KRABD5: variants seen among roughly 807,000 people sequenced by gnomAD.
The protein encoded by KRABD5 is KRAB domain-containing protein 5.
At chr16:31,732,767 C>T in the KRABD5 span, among the ~76,000 whole-genome samples, 11 of 152,088 alleles carry the variant, frequency 7.2e-5, no homozygotes, top group Admixed American at 7.2e-4. Flanking sequence ...TGAATATTTA[C>T]TCATTAAAAT....
the KRABD5 span, among the ~76,000 whole-genome samples, chr16:31,728,539 T>A: frequency 3.9e-5 from 6 of 152,294 alleles, no homozygotes; most frequent in Admixed American, 3.3e-4. Context: ...TTTGATTTCT[T>A]CTTCATCCTA....
the KRABD5 span, among the ~76,000 whole-genome samples, chr16:31,717,723 A>T: frequency 6.6e-6 from 1 of 151,890 alleles, no homozygotes; most frequent in Non-Finnish European, 1.5e-5. Context: ...CATTTTTCTC[A>T]TGATTCTGTT....
chr16:31,733,715 T>G, the KRABD5 span: 4 of 431,700 alleles, frequency 9.3e-6, no homozygotes, highest in East Asian at 2.9e-4. Flanking sequence ...TATTAATACT[T>G]GTCAAAATGT....
the KRABD5 span, chr16:31,754,387 T>A: frequency 3.3e-6 from 2 of 613,990 alleles, no homozygotes; most frequent in Non-Finnish European, 5.7e-6. Context: ...ATCACACACA[T>A]AATAAAACTT....
At chr16:31,753,086 T>C in the KRABD5 span, among the ~76,000 whole-genome samples, 2 of 152,196 alleles carry the variant, frequency 1.3e-5, no homozygotes, top group Non-Finnish European at 2.9e-5. Flanking sequence ...TATTATGGAA[T>C]GAATTTGTAC....
the KRABD5 span, chr16:31,733,665 A>G: frequency 8.8e-6 from 4 of 455,234 alleles, no homozygotes; most frequent in Admixed American, 9.4e-5. Context: ...CTTTTTGACT[A>G]TCTTATTTCA....
the KRABD5 span, among the ~76,000 whole-genome samples, chr16:31,733,996 C>G: frequency 6.6e-6 from 1 of 152,098 alleles, no homozygotes; most frequent in Non-Finnish European, 1.5e-5. Context: ...TTGCCAAGAC[C>G]AATTTTCATG....
the KRABD5 span, chr16:31,759,377 A>AG: frequency 6.5e-7 from 1 of 1,537,250 alleles, no homozygotes; most frequent in Non-Finnish European, 8.8e-7. Flanking sequence ...CCTATGGTGA[A>AG]AAAAATCAAC....
the KRABD5 span, among the ~76,000 whole-genome samples, chr16:31,726,288 C>T: frequency 6.6e-6 from 1 of 152,156 alleles, no homozygotes; most frequent in African/African-American, 2.4e-5. Flanking sequence ...ACTCTATACA[C>T]ATGGGGTTAT....
the KRABD5 span, chr16:31,755,786 G>A: frequency 3.0e-6 from 1 of 332,124 alleles, no homozygotes; most frequent in South Asian, 2.4e-5. Flanking sequence ...GAGTTTATAG[G>A]GAAACCGACT....
the KRABD5 span, among the ~76,000 whole-genome samples, chr16:31,746,271 T>G: frequency 2.0e-5 from 3 of 152,208 alleles, no homozygotes; most frequent in African/African-American, 7.2e-5. Context: ...CCTTTCCATT[T>G]TTAGTACTTC....
the KRABD5 span, among the ~76,000 whole-genome samples, chr16:31,725,884 T>C: frequency 2.0e-5 from 3 of 152,242 alleles, no homozygotes; most frequent in African/African-American, 7.2e-5. Context: ...TCGTATCAGA[T>C]ATATTTTCTC....
chr16:31,723,478 T>A, the KRABD5 span: 2 of 898,092 alleles, frequency 2.2e-6, no homozygotes, highest in Non-Finnish European at 3.3e-6. Context: ...CCTGGGTTTA[T>A]TTCTTTCTCT....
chr16:31,749,142 C>T, the KRABD5 span, among the ~76,000 whole-genome samples: 6 of 152,174 alleles, frequency 3.9e-5, no homozygotes, highest in Non-Finnish European at 5.9e-5. Flanking sequence ...GGGTTCTTTC[C>T]CTGAACCTCT....
the KRABD5 span, chr16:31,714,561 A>T: frequency 2.7e-6 from 1 of 373,480 alleles, no homozygotes; most frequent in Non-Finnish European, 5.3e-6. Context: ...CCCCACCTCG[A>T]TGGACCTGAA....
the KRABD5 span, among the ~76,000 whole-genome samples, chr16:31,718,900 C>A: frequency 1.3e-5 from 2 of 152,212 alleles, no homozygotes; most frequent in African/African-American, 4.8e-5. Flanking sequence ...GGTCTAATTT[C>A]TTTCCATCTC....
chr16:31,737,278 A>G, the KRABD5 span, among the ~76,000 whole-genome samples: 2 of 152,342 alleles, frequency 1.3e-5, no homozygotes, highest in African/African-American at 2.4e-5. Context: ...TTTACAGACA[A>G]TATGACCTTG....
chr16:31,744,231 G>C, the KRABD5 span, among the ~76,000 whole-genome samples: 92,432 of 152,022 alleles, frequency 0.61, 29,104 homozygotes, highest in Middle Eastern at 0.73. Flanking sequence ...TCCAGCTTTT[G>C]CTCATTCAAT....
the KRABD5 span, among the ~76,000 whole-genome samples, chr16:31,747,759 C>T: frequency 3.3e-5 from 5 of 152,324 alleles, no homozygotes; most frequent in South Asian, 6.2e-4. Context: ...CGCATTTCTT[C>T]GTGTGGCTTT....
Sources: allele counts gnomAD v4.1 joint callset (sites outside exome capture counted in the v4.1 genomes callset), GRCh38; gene constraint gnomAD v4.1.1; transcripts MANE v1.5; gene names NCBI Gene and HGNC (gene_info 2026-07-23, HGNC 2026-07-21).